The following RBM34 variants were observed in gnomAD, a reference collection of about 807,000 sequenced individuals.
RBM34 encodes the protein RNA binding motif protein 34, also known as RNA-binding protein 34.
RBM34 carries 39 observed loss-of-function variants against 44.6 expected under a neutral mutation model. The ratio of observed to expected loss-of-function variants is 0.87; its 90% CI spans 0.68 to 1.14. The LOEUF (loss-of-function observed/expected upper bound fraction) is 1.14. RBM34 is among the 50% of genes most tolerant of loss of function. RBM34 has a pLI of 0.00. For synonymous variants in RBM34, 194 were observed against 184.0 expected (o/e 1.05, Z -0.44); for missense variants, 572 against 517.9 (o/e 1.10, Z -1.01).
chr1:235,132,509 A>G (rs979519409), intron 10 of RBM34, among the ~76,000 whole-genome samples: 1 of 152,134 alleles, frequency 6.6e-6, no homozygotes, highest in East Asian at 1.9e-4. Flanking sequence ...GGGTTTCACC[A>G]CGTTAGCCAG....
chr1:235,133,177 C>CA (rs891518157), intron 10 of RBM34, among the ~76,000 whole-genome samples: 8 of 150,954 alleles, frequency 5.3e-5, no homozygotes, highest in Admixed American at 4.0e-4. Context: ...CCTGTCTCTA[C>CA]AAAAAAATAC....
At chr1:235,150,389 T>C (rs982544918) in intron 5 of RBM34, among the ~76,000 whole-genome samples, 3 of 152,282 alleles carry the variant, frequency 2.0e-5, no homozygotes, top group Non-Finnish European at 4.4e-5. Flanking sequence ...TCATTAAAGA[T>C]ATTAATACAT....
At chr1:235,160,384 G>A (rs1373484586) in intron 3 of RBM34, 127 bp downstream of exon 3, 2 of 1,252,532 alleles carry the variant, frequency 1.6e-6, no homozygotes, top group Non-Finnish European at 1.1e-6. Flanking sequence ...TATATGTACT[G>A]GATTTTCCAT....
chr1:235,136,137 T>C, intron 8 of RBM34, 64 bp from the exon 9 acceptor site: 1 of 1,370,408 alleles, frequency 7.3e-7, no homozygotes, highest in Middle Eastern at 1.8e-4. Context: ...TCATCGAAAA[T>C]CCTCCCTATC....
intron 6 of RBM34, among the ~76,000 whole-genome samples, chr1:235,139,833 T>G (rs997855236): frequency 3.3e-5 from 5 of 152,182 alleles, no homozygotes; most frequent in African/African-American, 1.2e-4. Context: ...GGCTCTACGA[T>G]GGCCGAGCAC....
intron 4 of RBM34, among the ~76,000 whole-genome samples, 195 bp from the exon 5 acceptor site, chr1:235,152,960 C>G (rs1374202726): frequency 6.6e-6 from 1 of 151,648 alleles, no homozygotes; most frequent in Non-Finnish European, 1.5e-5. Flanking sequence ...CCTCCGCCCC[C>G]ACGGCTTCAA....
intron 5 of RBM34, 136 bp from the exon 6 acceptor site, chr1:235,148,583 A>C: frequency 1.7e-6 from 1 of 581,024 alleles, no homozygotes; most frequent in Non-Finnish European, 2.6e-6. Context: ...CAAATCAGAA[A>C]CAACTGTCCT....
At chr1:235,148,115 A>G (rs766468917) in intron 6 of RBM34, among the ~76,000 whole-genome samples, 6 of 152,230 alleles carry the variant, frequency 3.9e-5, no homozygotes, top group Admixed American at 6.5e-5. Flanking sequence ...TCTGTATGAG[A>G]AAATTTAGGC....
rs777788561 is a variant in RBM34, at chr1:235,155,123, C to G, written c.366-11G>C. The G allele has an allele frequency of 5.6e-6, 9 of 1,605,690 alleles. No individual in the cohort carries two copies. The South Asian group carries it at 8.9e-5, about 16-fold the overall frequency. ...GCTAGAGCGCTTTCCCTTTTTAAGG[C>G]AAAAAATAAAATAAGCAGTAAGAGT... On this transcript the variant is annotated splice_polypyrimidine_tract_variant and intron_variant, in intron 3 of 10. Transcript: ENST00000408888.
chr1:235,152,581 T>A, intron 5 of RBM34, 125 bp downstream of exon 5: 5 of 1,450,238 alleles, frequency 3.4e-6, no homozygotes, highest in Non-Finnish European at 9.1e-7. Context: ...TTTCTTGGGT[T>A]AAATTTGAAC....
chr1:235,133,484 T>C (rs183643853), intron 10 of RBM34, among the ~76,000 whole-genome samples: 8 of 152,178 alleles, frequency 5.3e-5, no homozygotes, highest in Admixed American at 1.3e-4. Flanking sequence ...GAAAACAACA[T>C]AAAATAAGAT....
intron 6 of RBM34, among the ~76,000 whole-genome samples, chr1:235,144,432 A>G (rs1661816924): frequency 6.6e-6 from 1 of 151,458 alleles, no homozygotes; most frequent in African/African-American, 2.4e-5. Context: ...GATTGCCTAC[A>G]TATGTTAAAA....
chr1:235,155,864 T>TATATATATATATATATAC (rs1553275378), intron 3 of RBM34, among the ~76,000 whole-genome samples: 1 of 81,158 alleles, frequency 1.2e-5, no homozygotes, highest in Non-Finnish European at 2.1e-5. Flanking sequence ...TATATATATA[T>TATATATATATATATATAC]ATACATATAT....
chr1:235,148,603 T>G (rs1288449008), intron 5 of RBM34, among the ~76,000 whole-genome samples, 156 bp from the exon 6 acceptor site: 1 of 151,950 alleles, frequency 6.6e-6, no homozygotes, highest in Non-Finnish European at 1.5e-5. Context: ...TAATTTTTTT[T>G]TTTTTTTCCT....
At position 235,135,579 on chromosome 1, in the gene RBM34, T is replaced by C. The variant is rs1661392292; in HGVS notation, c.1008+73A>G. 4.0e-6 allele frequency: 5 copies of C among 1,235,016 alleles called. No individual in the cohort carries two copies. In the Admixed American group the frequency reaches 5.3e-5, roughly 13 times the overall value. 76.5% of individuals were successfully genotyped at this position (1,235,016 alleles called of 1,614,324 possible). On this transcript the variant is annotated intron_variant, in intron 10 of 10. Coordinates refer to ENST00000408888, the MANE Select transcript of RBM34 (RefSeq NM_015014.4). ...AATGGAAGTGAAAGTTATGTCTCAA[T>C]GATGACATGCAACAGTGTCAATGCC...
chr1:235,153,828 G>GA (rs1662275819), intron 4 of RBM34, among the ~76,000 whole-genome samples: 1 of 152,184 alleles, frequency 6.6e-6, no homozygotes, highest in Admixed American at 6.5e-5. Flanking sequence ...ACTATCACAT[G>GA]AACATGCAGA....
chr1:235,159,308 T>C (rs560858416), intron 3 of RBM34, among the ~76,000 whole-genome samples: 3 of 151,582 alleles, frequency 2.0e-5, no homozygotes, highest in African/African-American at 4.9e-5. Context: ...TCCCAGCACC[T>C]TGGGAGGCGG....
At chr1:235,157,771 C>T (rs1288171087) in intron 3 of RBM34, among the ~76,000 whole-genome samples, 1 of 152,142 alleles carries the variant, frequency 6.6e-6, no homozygotes, top group Non-Finnish European at 1.5e-5. Flanking sequence ...GTAGCTTCAA[C>T]AAGAAAAGCA....
At chr1:235,156,501 C>T in intron 3 of RBM34, 1 of 344,980 alleles carries the variant, frequency 2.9e-6, no homozygotes, top group South Asian at 2.4e-5. Context: ...GTTAATATGG[C>T]AGCAGAGTAC....
Sources: allele counts gnomAD v4.1 joint callset (sites outside exome capture counted in the v4.1 genomes callset), GRCh38; gene constraint gnomAD v4.1.1; transcripts MANE v1.5; gene names NCBI Gene and HGNC (gene_info 2026-07-23, HGNC 2026-07-21).